The following TCL1B variants were observed in gnomAD, a reference collection of about 807,000 sequenced individuals.
The protein encoded by TCL1B is T-cell leukemia/lymphoma protein 1B.
Under a neutral mutation model 16.9 loss-of-function variants are expected in TCL1B, and 14 were observed. That is an observed-to-expected ratio of 0.83 (90% CI 0.55 to 1.30). TCL1B has a LOEUF of 1.30. TCL1B is among the 50% of genes most tolerant of loss of function. The pLI is 0.00. For missense variants in TCL1B, 166 were observed against 165.2 expected, an observed-to-expected ratio of 1.00 and a Z score of -0.03; for synonymous variants, 79 against 66.6, an observed-to-expected ratio of 1.19 and a Z score of -0.91.
chr14:95,687,719 G>A (rs1379775204), intron 1 of TCL1B, among the ~76,000 whole-genome samples: 2 of 152,056 alleles, frequency 1.3e-5, no homozygotes, highest in Non-Finnish European at 2.9e-5. Context: ...TTGGGAGGCC[G>A]AGATGGGCTT....
In TCL1B at chr14:95,690,753, A is replaced by G; in HGVS notation, c.180A>G (p.Thr60=). The G allele has an allele frequency of 6.2e-7, 1 of 1,613,674 alleles. No individual in the cohort carries two copies. Among genetic ancestry groups the G allele is most frequent in the Non-Finnish European group, 8.5e-7 (1 of 1,179,606 alleles). ...SQGSRYEPSI[T]VHLWQMAVHT... is the part of the protein sequence containing the mutation. ...CCCTTCAGTATGAACCCAGCATCAC[A>G]GTGCACTTGTGGCAGATGGCAGTGC... The change falls in exon 2 of 4, where the codon ACA becomes ACG. Residue 60 remains threonine (T), a synonymous_variant. Transcript: ENST00000340722.
intron 2 of TCL1B, 117 bp from the exon 3 acceptor site, chr14:95,691,151 G>C (rs1885876769): frequency 1.6e-6 from 2 of 1,265,230 alleles, no homozygotes; most frequent in Non-Finnish European, 2.2e-6. Context: ...TCCACAAGCT[G>C]GAGTTCCCAC....
chr14:95,689,053 G>A (rs987933607), intron 1 of TCL1B, among the ~76,000 whole-genome samples: 6 of 152,154 alleles, frequency 3.9e-5, no homozygotes, highest in African/African-American at 9.6e-5. Flanking sequence ...TTGGGGGGCC[G>A]AGGCGGGCGG....
intron 1 of TCL1B, among the ~76,000 whole-genome samples, chr14:95,690,356 A>G (rs1885852006): frequency 6.9e-6 from 1 of 145,370 alleles, no homozygotes; most frequent in South Asian, 2.3e-4. Context: ...ACTGCCATAT[A>G]TTTTGGCGGG....
rs762469830 is a variant in TCL1B at position 95,690,899 on chromosome 14, A to G, written c.326A>G (p.His109Arg). 31 of 1,609,186 alleles carry G rather than the reference A, an allele frequency of 1.9e-5. No homozygotes were observed. Among genetic ancestry groups the G allele is most frequent in the South Asian group, 1.8e-4 (16 of 90,990 alleles). The part of the protein sequence containing the change: ...ADSSFWEIAD[H>R]GQIDSMEQLV... ...TCCAGTTTCTGGGAAATAGCAGACCATGGCCAGGCAAGTGTGTGGTGGTTC... is the reference window on the plus strand; with the variant it reads ...TCCAGTTTCTGGGAAATAGCAGACCGTGGCCAGGCAAGTGTGTGGTGGTTC... Residue 109 changes from histidine to arginine, a missense_variant, in exon 2 of 4, where the codon CAT (histidine) becomes CGT (arginine). Transcript: ENST00000340722.
intron 1 of TCL1B, 78 bp from the exon 2 acceptor site, chr14:95,690,658 A>G (rs1408593287): frequency 7.4e-6 from 11 of 1,496,294 alleles, no homozygotes; most frequent in Non-Finnish European, 1.0e-5. Context: ...CTGGCAGCCC[A>G]CTGGCCATTG....
chr14:95,691,220 T>C, intron 2 of TCL1B, 48 bp from the exon 3 acceptor site: 1 of 1,600,308 alleles, frequency 6.2e-7, no homozygotes, highest in Non-Finnish European at 8.5e-7. Context: ...TAAGGCCAAC[T>C]GGAAGAGCAT....
chr14:95,687,014 A>G (rs1416867264), intron 1 of TCL1B, among the ~76,000 whole-genome samples: 2 of 152,164 alleles, frequency 1.3e-5, no homozygotes, highest in Non-Finnish European at 2.9e-5. Flanking sequence ...AAGCAAAAGC[A>G]TTGCAGCCTG....
chr14:95,689,546 A>C (rs533144883), intron 1 of TCL1B: 1 of 152,358 alleles, frequency 6.6e-6, no homozygotes, highest in South Asian at 2.1e-4. Flanking sequence ...TTCCACTTGG[A>C]GAGCTATGCT....
intron 2 of TCL1B, 73 bp downstream of exon 2, chr14:95,690,979 G>T: frequency 6.5e-7 from 1 of 1,547,794 alleles, no homozygotes; most frequent in Non-Finnish European, 8.8e-7. Context: ...TCTCTTCTGT[G>T]CCCCTGGCCC....
intron 1 of TCL1B, among the ~76,000 whole-genome samples, chr14:95,687,329 T>C (rs2139703133): frequency 6.6e-6 from 1 of 152,252 alleles, no homozygotes. Flanking sequence ...ATGAAGTAAA[T>C]ACAGTAGCGT....
chr14:95,691,673 A>G, intron 3 of TCL1B: 1 of 232,276 alleles, frequency 4.3e-6, no homozygotes, highest in Admixed American at 5.1e-5. Flanking sequence ...CCATACAGCC[A>G]GGAAATAGCG....
At chr14:95,690,987 C>A (rs1885874277) in intron 2 of TCL1B, 81 bp downstream of exon 2, 2 of 1,525,096 alleles carry the variant, frequency 1.3e-6, no homozygotes, top group Non-Finnish European at 1.8e-6. Flanking sequence ...GTGCCCCTGG[C>A]CCCCTTGGGG....
At chr14:95,691,246 A>G (rs1364393403) in intron 2 of TCL1B, 22 bp from the exon 3 acceptor site, 1 of 1,611,474 alleles carries the variant, frequency 6.2e-7, no homozygotes, top group South Asian at 1.1e-5. Context: ...AGAGGTTCTG[A>G]TGGCTGCTCC....
At chr14:95,687,054 A>G (rs1595339947) in intron 1 of TCL1B, among the ~76,000 whole-genome samples, 3 of 152,324 alleles carry the variant, frequency 2.0e-5, no homozygotes, top group Admixed American at 2.0e-4. Flanking sequence ...CAGGATGAAC[A>G]TGACATTGGT....
intron 1 of TCL1B, chr14:95,689,267 A>G (rs1457316103): frequency 6.6e-6 from 1 of 152,152 alleles, no homozygotes; most frequent in Admixed American, 6.5e-5. Flanking sequence ...AGCCTGGGCG[A>G]CAGAGCAAGA....
intron 1 of TCL1B, 87 bp downstream of exon 1, chr14:95,686,716 C>A: frequency 7.1e-7 from 1 of 1,415,146 alleles, no homozygotes; most frequent in Non-Finnish European, 9.4e-7. Context: ...TCAGAGGGGG[C>A]CGTTCTCACC....
At chr14:95,689,953 T>C (rs748071392) in intron 1 of TCL1B, among the ~76,000 whole-genome samples, 1 of 152,238 alleles carries the variant, frequency 6.6e-6, no homozygotes, top group Non-Finnish European at 1.5e-5. Flanking sequence ...GGTTTTACTT[T>C]TCCTATCATC....
In TCL1B at chr14:95,686,593, G is replaced by T. The variant is rs563494390; in HGVS notation, c.126G>T (p.Ser42=). 3 of 1,613,092 alleles carry T rather than the reference G, an allele frequency of 1.9e-6. No homozygotes were observed. Among genetic ancestry groups the T allele is most frequent in the East Asian group, 2.2e-5 (1 of 44,868 alleles). ...WVTVVVRFNP[S]RREWARASQG... is the part of the protein sequence containing the mutation. ...CTGTGGTCGTGCGGTTCAATCCCTC[G>T]CGTAGGGAATGGGCCAGGGCCTCCC... Residue 42 remains serine, a synonymous_variant, in exon 1 of 4, where the codon TCG becomes TCT. Transcript: ENST00000340722.
Sources: gnomAD v4.1 joint callset for allele counts (sites outside exome capture counted in the v4.1 genomes callset) on GRCh38, gnomAD v4.1.1 for gene constraint, MANE v1.5 for transcripts, NCBI Gene and HGNC (gene_info 2026-07-23, HGNC 2026-07-21) for gene names.